Variants in ARHGAP6 observed in about 807,000 individuals in gnomAD.
ARHGAP6 encodes Rho GTPase activating protein 6, also known as rho GTPase-activating protein 6.
A neutral mutation model predicts 55.7 loss-of-function variants in ARHGAP6; 16 were observed. The observed-to-expected ratio is 0.29, with a 90% CI of 0.19 to 0.44. ARHGAP6 has a LOEUF of 0.44. ARHGAP6 is among the 20% of genes least tolerant of loss of function. The pLI is 1.00. For synonymous variants in ARHGAP6, 382 were observed against 360.9 expected (o/e 1.06, Z -0.66); for missense variants, 698 against 808.9 (o/e 0.86, Z 1.66).
intron 1 of ARHGAP6, among the ~76,000 whole-genome samples, chrX:11,628,984 CGTGTGTGTGTGTGTGT>C (rs55999982): frequency 4.9e-5 from 5 of 101,453 alleles, no homozygotes; most frequent in South Asian, 9.3e-4. Context: ...GCTTCAGATA[CGTGTGTGTGTGTGTGT>C]GTGTGTGTGT....
intron 1 of ARHGAP6, among the ~76,000 whole-genome samples, chrX:11,650,182 A>G (rs1433293342): frequency 1.8e-5 from 2 of 109,482 alleles, no homozygotes; most frequent in Admixed American, 2.0e-4. Flanking sequence ...TCCTTTGTAG[A>G]TATGGGGTCT....
intron 1 of ARHGAP6, among the ~76,000 whole-genome samples, chrX:11,459,293 C>T (rs1302007869): frequency 2.7e-5 from 3 of 111,515 alleles, no homozygotes; most frequent in Non-Finnish European, 5.6e-5. Context: ...CAGAGAAGCA[C>T]TATCTTATTT....
chrX:11,427,409 G>A (rs2049893339), intron 1 of ARHGAP6: 10 of 770,846 alleles, frequency 1.3e-5, no homozygotes, highest in Non-Finnish European at 1.6e-5. Context: ...GTGGCACTTC[G>A]GGGTGACGTA....
At chrX:11,517,019 C>A (rs577222044) in intron 1 of ARHGAP6, among the ~76,000 whole-genome samples, 39 of 112,049 alleles carry the variant, frequency 3.5e-4, no homozygotes, top group African/African-American at 1.2e-3. Context: ...AAAATCCATG[C>A]TGCATAACAA....
intron 1 of ARHGAP6, among the ~76,000 whole-genome samples, chrX:11,439,744 T>C (rs1360071846): frequency 8.9e-6 from 1 of 112,499 alleles, no homozygotes; most frequent in Non-Finnish European, 1.9e-5. Flanking sequence ...GCTTTATGTA[T>C]CTGAGCTTTT....
chrX:11,307,686 T>G (rs2048251927), intron 1 of ARHGAP6, among the ~76,000 whole-genome samples: 1 of 112,562 alleles, frequency 8.9e-6, no homozygotes, highest in African/African-American at 3.2e-5. Flanking sequence ...ATTTTTAAAG[T>G]ACTTATTAAA....
intron 1 of ARHGAP6, among the ~76,000 whole-genome samples, chrX:11,420,019 C>A (rs1407042170): frequency 8.9e-6 from 1 of 111,928 alleles, no homozygotes; most frequent in Non-Finnish European, 1.9e-5. Flanking sequence ...AAGAGGAGAA[C>A]AAGCCTGACA....
chrX:11,518,462 C>CTTTTTTTTTTTTTTTTTT (rs368595944), intron 1 of ARHGAP6, among the ~76,000 whole-genome samples: 2 of 74,929 alleles, frequency 2.7e-5, no homozygotes, highest in Non-Finnish European at 5.0e-5. Context: ...TTTTTTTTTT[C>CTTTTTTTTTTTTTTTTTT]TTTTTTTTTT....
At chrX:11,261,765 GC>G (rs1040231923) in intron 1 of ARHGAP6, among the ~76,000 whole-genome samples, 1 of 111,406 alleles carries the variant, frequency 9.0e-6, no homozygotes, top group Non-Finnish European at 1.9e-5. Flanking sequence ...GGGTAATGTT[GC>G]CCCCAGTGAG....
chrX:11,578,731 G>A (rs544318571), intron 1 of ARHGAP6, among the ~76,000 whole-genome samples: 2 of 111,459 alleles, frequency 1.8e-5, no homozygotes, highest in East Asian at 5.6e-4. Context: ...ATTTGCACAC[G>A]TATGTTTATT....
At chrX:11,369,688 T>C (rs994108662) in intron 1 of ARHGAP6, among the ~76,000 whole-genome samples, 6 of 112,093 alleles carry the variant, frequency 5.4e-5, no homozygotes, top group Non-Finnish European at 1.1e-4. Context: ...TCATTGTAAA[T>C]GTTCAAAACT....
At chrX:11,498,968 C>G (rs1000082471) in intron 1 of ARHGAP6, among the ~76,000 whole-genome samples, 8 of 111,845 alleles carry the variant, frequency 7.2e-5, no homozygotes, top group African/African-American at 2.6e-4. Context: ...CATGAACATA[C>G]TATGCTGCAT....
intron 1 of ARHGAP6, among the ~76,000 whole-genome samples, chrX:11,439,233 A>G: frequency 8.9e-6 from 1 of 112,949 alleles, no homozygotes; most frequent in Non-Finnish European, 1.9e-5. Context: ...CAGATCTAGC[A>G]CAGGGTGAGT....
intron 2 of ARHGAP6, among the ~76,000 whole-genome samples, chrX:11,213,234 G>A (rs1289415252): frequency 8.9e-6 from 1 of 112,963 alleles, no homozygotes; most frequent in Non-Finnish European, 1.9e-5. Context: ...TGGGGCCCAG[G>A]CTCCCTCCCA....
chrX:11,322,343 G>A (rs927305034), intron 1 of ARHGAP6, among the ~76,000 whole-genome samples: 1 of 105,673 alleles, frequency 9.5e-6, no homozygotes, highest in African/African-American at 3.5e-5. Context: ...AATTTCCCCA[G>A]TGAAAAACAC....
At chrX:11,392,989 C>T in intron 1 of ARHGAP6, among the ~76,000 whole-genome samples, 1 of 111,429 alleles carries the variant, frequency 9.0e-6, no homozygotes, top group Admixed American at 9.6e-5. Context: ...TTTCTATTTA[C>T]TGAATTACAA....
At chrX:11,354,048 C>A (rs1168522458) in intron 1 of ARHGAP6, among the ~76,000 whole-genome samples, 1 of 110,148 alleles carries the variant, frequency 9.1e-6, no homozygotes, top group Non-Finnish European at 1.9e-5. Flanking sequence ...AGAATTTGCT[C>A]TTTCATACAA....
intron 1 of ARHGAP6, among the ~76,000 whole-genome samples, chrX:11,531,725 A>C (rs1344657938): frequency 8.9e-6 from 1 of 112,051 alleles, no homozygotes; most frequent in Non-Finnish European, 1.9e-5. Context: ...TTTGAGCTTC[A>C]GTTCACATTC....
At chrX:11,445,711 T>C (rs1423496006) in intron 1 of ARHGAP6, among the ~76,000 whole-genome samples, 1 of 111,506 alleles carries the variant, frequency 9.0e-6, no homozygotes, top group African/African-American at 3.3e-5. Context: ...GACATTTTGG[T>C]TGTCGTGACG....
Sources: gnomAD v4.1 joint callset for allele counts (sites outside exome capture counted in the v4.1 genomes callset) on GRCh38, gnomAD v4.1.1 for gene constraint, MANE v1.5 for transcripts, NCBI Gene and HGNC (gene_info 2026-07-23, HGNC 2026-07-21) for gene names.